Variants in PLD5 observed in about 807,000 individuals in gnomAD.
PLD5 encodes the protein inactive phospholipase D5.
A neutral mutation model predicts 61.1 loss-of-function variants in PLD5; 36 were observed. That is an observed-to-expected ratio of 0.59 (90% confidence interval 0.45 to 0.78). The LOEUF is 0.78. Ranked by LOEUF, PLD5 falls within the 30% of genes least tolerant of loss-of-function variation. The pLI is 0.00. For missense variants in PLD5, 515 were observed against 644.4 expected, an observed-to-expected ratio of 0.80 and a Z score of 2.17; for synonymous variants, 243 against 242.8, an observed-to-expected ratio of 1.00 and a Z score of -0.01.
chr1:242,261,652 A>G (rs1391731757), intron 4 of PLD5, among the ~76,000 whole-genome samples: 1 of 152,214 alleles, frequency 6.6e-6, no homozygotes, highest in African/African-American at 2.4e-5. Context: ...TGGGCCAATT[A>G]AAACAACAAT....
chr1:242,204,642 A>G (rs1669204615), intron 5 of PLD5, among the ~76,000 whole-genome samples: 1 of 152,174 alleles, frequency 6.6e-6, no homozygotes, highest in Non-Finnish European at 1.5e-5. Flanking sequence ...TAATTTACTG[A>G]GCAGTAACCA....
At chr1:242,111,299 G>A (rs969256322) in intron 7 of PLD5, among the ~76,000 whole-genome samples, 7 of 151,956 alleles carry the variant, frequency 4.6e-5, no homozygotes, top group African/African-American at 7.2e-5. Context: ...TCAGGTGATC[G>A]GCCCACCTCG....
chr1:242,147,832 AT>A, intron 5 of PLD5, among the ~76,000 whole-genome samples: 1 of 152,130 alleles, frequency 6.6e-6, no homozygotes, highest in East Asian at 1.9e-4. Flanking sequence ...CTGTTCACAT[AT>A]TTGGCACAGT....
intron 3 of PLD5, among the ~76,000 whole-genome samples, chr1:242,272,976 G>A (rs1674192904): frequency 6.6e-6 from 1 of 152,082 alleles, no homozygotes; most frequent in Non-Finnish European, 1.5e-5. Context: ...TGTTACATAG[G>A]TATACATGTG....
intron 4 of PLD5, among the ~76,000 whole-genome samples, chr1:242,239,045 A>G (rs1671824665): frequency 6.6e-6 from 1 of 152,138 alleles, no homozygotes; most frequent in Non-Finnish European, 1.5e-5. Context: ...GTAAAAGGTG[A>G]TCATTCAAAA....
intron 4 of PLD5, among the ~76,000 whole-genome samples, chr1:242,249,763 T>C (rs1392008578): frequency 6.6e-6 from 1 of 152,214 alleles, no homozygotes; most frequent in Non-Finnish European, 1.5e-5. Flanking sequence ...ATTTCTGATC[T>C]CCATTGGAGC....
At chr1:242,168,285 CTTT>C (rs1033288869) in intron 5 of PLD5, among the ~76,000 whole-genome samples, 7 of 152,086 alleles carry the variant, frequency 4.6e-5, no homozygotes, top group Admixed American at 2.0e-4. Flanking sequence ...TTAATGAATA[CTTT>C]TTTGATTATT....
chr1:242,165,451 G>GAA (rs1558294772), intron 5 of PLD5, among the ~76,000 whole-genome samples: 1,284 of 70,914 alleles, frequency 0.018, 52 homozygotes, highest in East Asian at 0.072. Context: ...GGCTTTAAAG[G>GAA]GAAAAAAAAA....
intron 2 of PLD5, among the ~76,000 whole-genome samples, chr1:242,321,718 A>C (rs1309006503): frequency 3.9e-5 from 6 of 152,110 alleles, no homozygotes; most frequent in African/African-American, 7.2e-5. Flanking sequence ...TTTTCTGTAC[A>C]TCAAGATGAT....
At chr1:242,112,515 C>T (rs1661611240) in intron 7 of PLD5, among the ~76,000 whole-genome samples, 1 of 151,928 alleles carries the variant, frequency 6.6e-6, no homozygotes, top group Admixed American at 6.6e-5. Flanking sequence ...TGTAAAGATG[C>T]ACAATATTTT....
At chr1:242,346,637 CTTT>C (rs1319256514) in intron 2 of PLD5, among the ~76,000 whole-genome samples, 1 of 152,066 alleles carries the variant, frequency 6.6e-6, no homozygotes, top group Non-Finnish European at 1.5e-5. Flanking sequence ...TATGAAATAC[CTTT>C]TTTTATTTCC....
chr1:242,501,790 T>TTATATATATATATATATATATA (rs10648981), intron 1 of PLD5, among the ~76,000 whole-genome samples: 1 of 147,164 alleles, frequency 6.8e-6, no homozygotes, highest in African/African-American at 2.5e-5. Flanking sequence ...TAATATTCCA[T>TTATATATATATATATATATATA]TATATATATA....
intron 5 of PLD5, among the ~76,000 whole-genome samples, chr1:242,130,257 G>A (rs1663129397): frequency 6.6e-6 from 1 of 152,028 alleles, no homozygotes; most frequent in Admixed American, 6.6e-5. Flanking sequence ...TCACCACGTT[G>A]GCCAGGCTGG....
chr1:242,438,242 T>G (rs1440237549), intron 1 of PLD5, among the ~76,000 whole-genome samples: 1 of 151,826 alleles, frequency 6.6e-6, no homozygotes, highest in Non-Finnish European at 1.5e-5. Context: ...CATGTATGGT[T>G]GCTTGCACAT....
intron 5 of PLD5, among the ~76,000 whole-genome samples, chr1:242,147,784 G>A (rs77553940): frequency 6.6e-6 from 1 of 152,114 alleles, no homozygotes; most frequent in African/African-American, 2.4e-5. Context: ...TTTGTTGAAG[G>A]TATTTATATA....
chr1:242,448,715 G>A (rs931336432), intron 1 of PLD5, among the ~76,000 whole-genome samples: 14 of 152,166 alleles, frequency 9.2e-5, no homozygotes, highest in African/African-American at 2.9e-4. Flanking sequence ...TCACGTTTAC[G>A]TTAAGGATCA....
intron 3 of PLD5, among the ~76,000 whole-genome samples, chr1:242,278,764 C>T (rs1394935909): frequency 1.3e-5 from 2 of 152,190 alleles, no homozygotes; most frequent in African/African-American, 4.8e-5. Flanking sequence ...CAGCAAATAG[C>T]ACAGCACCTT....
chr1:242,472,591 G>A (rs909108186), intron 1 of PLD5, among the ~76,000 whole-genome samples: 1 of 152,172 alleles, frequency 6.6e-6, no homozygotes, highest in African/African-American at 2.4e-5. Flanking sequence ...AAAGTATAAT[G>A]TTCTCTACTT....
chr1:242,515,213 T>TGG (rs1294329819), intron 1 of PLD5, among the ~76,000 whole-genome samples: 3 of 151,878 alleles, frequency 2.0e-5, no homozygotes, highest in Admixed American at 2.0e-4. Flanking sequence ...TGTGTGTGTG[T>TGG]GTGTGTGAGA....
Sources: gnomAD v4.1 joint callset for allele counts (sites outside exome capture counted in the v4.1 genomes callset) on GRCh38, gnomAD v4.1.1 for gene constraint, MANE v1.5 for transcripts, NCBI Gene and HGNC (gene_info 2026-07-23, HGNC 2026-07-21) for gene names.